The following METTL22 variants were observed in gnomAD, a reference collection of about 807,000 sequenced individuals.
METTL22 encodes methyltransferase 22, Kin17 lysine.
METTL22 carries 51 observed loss-of-function variants against 48.4 expected under a neutral mutation model. The ratio of observed to expected loss-of-function variants is 1.05; its 90% confidence interval spans 0.84 to 1.33. The LOEUF is 1.33. Ranked by LOEUF, METTL22 falls within the 40% of genes most tolerant of loss-of-function variation. The pLI is 0.00. For synonymous variants in METTL22, 255 were observed against 214.1 expected, an observed-to-expected ratio of 1.19 and a Z score of -1.67; for missense variants, 678 against 526.9, an observed-to-expected ratio of 1.29 and a Z score of -2.81.
At chr16:8,665,618 C>A in the METTL22 span, among the ~76,000 whole-genome samples, 1 of 152,226 alleles carries the variant, frequency 6.6e-6, no homozygotes. Context: ...ATCTTCACAG[C>A]ACGCTCAGTT....
At chr16:8,640,894 A>AGGTGGGTGGGTGGG (rs1457644420) in intron 6 of METTL22, among the ~76,000 whole-genome samples, 14 of 8,696 alleles carry the variant, frequency 1.6e-3, no homozygotes, top group East Asian at 6.7e-3. Flanking sequence ...GGGTGGGTGA[A>AGGTGGGTGGGTGGG]TGGATGGATG....
chr16:8,651,398 A>C (rs868765992), downstream of METTL22, among the ~76,000 whole-genome samples: 1,850 of 150,234 alleles, frequency 0.012, 117 homozygotes, highest in African/African-American at 0.043. Context: ...AAAAAAAAAA[A>C]AAAAACATAC....
chr16:8,653,563 A>T (rs2056927657), downstream of METTL22, among the ~76,000 whole-genome samples: 1 of 152,246 alleles, frequency 6.6e-6, no homozygotes, highest in Non-Finnish European at 1.5e-5. Context: ...AAATAAAGCC[A>T]AGTAAAGTTC....
the METTL22 span, among the ~76,000 whole-genome samples, chr16:8,661,277 C>T: frequency 0.21 from 32,547 of 151,694 alleles, 3,787 homozygotes; most frequent in African/African-American, 0.3. Flanking sequence ...CATTGTACAG[C>T]AGCACGTGAG....
chr16:8,642,252 T>G (rs771719259), intron 8 of METTL22, 45 bp downstream of exon 8: 1 of 1,527,184 alleles, frequency 6.5e-7, no homozygotes, highest in African/African-American at 1.4e-5. Context: ...TGTTGTAGCA[T>G]GAAGTCAAGT....
At chr16:8,635,686 C>G (rs768504937) in intron 5 of METTL22, among the ~76,000 whole-genome samples, 36 of 152,314 alleles carry the variant, frequency 2.4e-4, no homozygotes, top group Non-Finnish European at 4.3e-4. Flanking sequence ...GTATAGAAGC[C>G]TTGCCCATTC....
At chr16:8,629,839 T>G (rs2056193574) in intron 3 of METTL22, among the ~76,000 whole-genome samples, 1 of 152,154 alleles carries the variant, frequency 6.6e-6, no homozygotes, top group Admixed American at 6.5e-5. Flanking sequence ...TGATCGGTCC[T>G]GGTTAAGCAC....
chr16:8,653,487 A>T (rs2056926960), downstream of METTL22, among the ~76,000 whole-genome samples: 1 of 152,222 alleles, frequency 6.6e-6, no homozygotes, highest in South Asian at 2.1e-4. Flanking sequence ...TATTGATGGG[A>T]TGAATGGAAA....
intron 3 of METTL22, among the ~76,000 whole-genome samples, chr16:8,629,482 G>A (rs1225126119): frequency 1.3e-5 from 2 of 152,224 alleles, no homozygotes; most frequent in Non-Finnish European, 2.9e-5. Context: ...CGTGTTGGGG[G>A]TGTGGGACAG....
chr16:8,663,565 C>T, the METTL22 span, among the ~76,000 whole-genome samples: 1 of 147,034 alleles, frequency 6.8e-6, no homozygotes, highest in Non-Finnish European at 1.5e-5. Context: ...GGTGGGGGCC[C>T]CACCTGGAGG....
chr16:8,653,106 T>C (rs2056922361), downstream of METTL22, among the ~76,000 whole-genome samples: 1 of 152,172 alleles, frequency 6.6e-6, no homozygotes, highest in Non-Finnish European at 1.5e-5. Context: ...GGATCCCAGC[T>C]TCAACCAGGG....
chr16:8,655,599 A>C, the METTL22 span, among the ~76,000 whole-genome samples: 1 of 152,260 alleles, frequency 6.6e-6, no homozygotes, highest in Non-Finnish European at 1.5e-5. Flanking sequence ...GGGATTACAC[A>C]GAGTGGGAAT....
At chr16:8,656,246 G>T in the METTL22 span, among the ~76,000 whole-genome samples, 108,006 of 152,056 alleles carry the variant, frequency 0.71, 39,642 homozygotes, top group East Asian at 0.85. Context: ...TGTTCCTGGC[G>T]CAGAGAGGTT....
chr16:8,643,099 C>T (rs555390457), intron 9 of METTL22, among the ~76,000 whole-genome samples: 2 of 152,304 alleles, frequency 1.3e-5, no homozygotes, highest in East Asian at 1.9e-4. Flanking sequence ...TCCTGTAATA[C>T]TTAACAGTAG....
chr16:8,660,966 A>ACT, the METTL22 span, among the ~76,000 whole-genome samples: 21 of 151,120 alleles, frequency 1.4e-4, no homozygotes, highest in Non-Finnish European at 3.1e-4. Flanking sequence ...AGGGATCCGG[A>ACT]CTCTGGCCCG....
At chr16:8,624,215 A>AG (rs1186032696) in intron 1 of METTL22, 2 of 152,102 alleles carry the variant, frequency 1.3e-5, no homozygotes, top group Non-Finnish European at 2.9e-5. Flanking sequence ...AAACGGTTGG[A>AG]GGGAGGTCCC....
chr16:8,635,871 G>A (rs987593115), intron 5 of METTL22, among the ~76,000 whole-genome samples: 4 of 152,230 alleles, frequency 2.6e-5, no homozygotes, highest in African/African-American at 9.6e-5. Context: ...CGCTTACGTT[G>A]TAAGAATCTC....
chr16:8,642,494 G>GT lies in METTL22; in HGVS notation c.942dup (p.Lys315Ter). 1 of 1,614,176 alleles carries GT rather than the reference G, an allele frequency of 6.2e-7. No homozygotes were observed. Among genetic ancestry groups the GT allele is most frequent in the Non-Finnish European group, 8.5e-7 (1 of 1,180,038 alleles). Reference sequence around the variant, plus strand: ...ACGACGACGACTTGACTGATGCTGTGTTTAAAACGCTCTCCCGACTCGCCC... The same window carrying GT: ...ACGACGACGACTTGACTGATGCTGTGTTTTAAAACGCTCTCCCGACTCGCCC... On this transcript the variant is annotated frameshift_variant, in exon 9 of 11. Transcript: ENST00000381920. LOFTEE classifies it high-confidence loss of function.
At chr16:8,639,475 C>G (rs1264974482) in intron 6 of METTL22, 4 of 386,632 alleles carry the variant, frequency 1.0e-5, no homozygotes, top group African/African-American at 8.0e-5. Flanking sequence ...CATGAAACAT[C>G]CAGAGTGCCC....
Sources: gnomAD v4.1 joint callset for allele counts (sites outside exome capture counted in the v4.1 genomes callset) on GRCh38, gnomAD v4.1.1 for gene constraint, MANE v1.5 for transcripts, NCBI Gene and HGNC (gene_info 2026-07-23, HGNC 2026-07-21) for gene names.